The following TXK variants were observed in gnomAD, a reference collection of about 807,000 sequenced individuals.
TXK encodes tyrosine-protein kinase TXK.
In TXK, 60 loss-of-function variants were observed where a neutral mutation model predicts 81.0. That is an observed-to-expected ratio of 0.74 (90% CI 0.60 to 0.92). The LOEUF (loss-of-function observed/expected upper bound fraction) is 0.92, where lower values mean the gene tolerates loss of function less well. TXK is among the 40% of genes least tolerant of loss of function. The pLI is 0.00. For synonymous variants in TXK, 203 were observed against 210.7 expected (o/e 0.96, Z 0.32); for missense variants, 581 against 638.3 (o/e 0.91, Z 0.97).
intron 6 of TXK, among the ~76,000 whole-genome samples, chr4:48,098,748 G>A (rs1718077013): frequency 6.6e-6 from 1 of 152,200 alleles, no homozygotes; most frequent in African/African-American, 2.4e-5. Flanking sequence ...GATCACTTGA[G>A]GCCAGGAGTT....
intron 14 of TXK, 97 bp downstream of exon 14, chr4:48,071,420 C>G (rs1716848868): frequency 7.9e-7 from 1 of 1,262,000 alleles, no homozygotes; most frequent in East Asian, 2.4e-5. Context: ...ATGCCTTTTC[C>G]TGCCATGACA....
At chr4:48,114,655 A>G in intron 1 of TXK, 1 of 489,806 alleles carries the variant, frequency 2.0e-6, no homozygotes, top group Non-Finnish European at 3.7e-6. Flanking sequence ...TGTGAGTGAT[A>G]AATGACCAGT....
chr4:48,115,033 CTTTT>C (rs58957431), intron 1 of TXK, among the ~76,000 whole-genome samples: 3 of 148,446 alleles, frequency 2.0e-5, no homozygotes, highest in Admixed American at 1.3e-4. Context: ...TTCTTTCTTT[CTTTT>C]TTTTTTTAAT....
At position 48,112,504 on chromosome 4, in the gene TXK, C is replaced by T. The variant is rs202095994; in HGVS notation, c.183G>A (p.Thr61=). 16 of 1,609,296 alleles carry T rather than the reference C, an allele frequency of 9.9e-6. No individual in the cohort carries two copies. The South Asian group carries it at 1.3e-4, about 13-fold the overall frequency. The change falls in exon 4 of 15, where the codon ACG becomes ACA. Residue 61 remains threonine, a synonymous_variant. Coordinates refer to ENST00000264316, the MANE Select transcript of TXK (RefSeq NM_003328.3). ...SQLSNKKQSN[T]GRVQPSKRKP... is the part of the protein sequence containing the mutation. ...TTCGTTTTGACGGCTGCACACGGCC[C>T]GTGTTGGACTGTGAAAACCAATAAG...
Position 48,067,475 on chromosome 4 carries a change from T to C in TXK, c.*162A>G. The C allele has an allele frequency of 1.4e-6, 1 of 715,142 alleles. No homozygotes were observed. The highest frequency in any genetic ancestry group is 2.8e-5 in the Admixed American group (1 of 36,122). The allele number at this position is 715,142 out of a possible 1,614,324, so 44.3% of individuals were successfully genotyped here. On this transcript the variant is annotated 3_prime_UTR_variant, in exon 15 of 15. Transcript: ENST00000264316. ...TAGAAAAACGATTGTGTGAATATTC[T>C]TAAATTTTTAAAACTTTTAAAAACT...
intron 1 of TXK, among the ~76,000 whole-genome samples, chr4:48,130,126 C>T (rs1293493967): frequency 6.6e-6 from 1 of 152,228 alleles, no homozygotes; most frequent in African/African-American, 2.4e-5. Flanking sequence ...CCATTTTAAT[C>T]TTTCAGAAAG....
chr4:48,089,637 C>T, intron 9 of TXK, 113 bp downstream of exon 9: 1 of 809,276 alleles, frequency 1.2e-6, no homozygotes. Flanking sequence ...GGTGATCCAC[C>T]CACCTTTGCC....
intron 1 of TXK, among the ~76,000 whole-genome samples, chr4:48,132,286 T>C (rs1719265053): frequency 6.6e-6 from 1 of 152,174 alleles, no homozygotes; most frequent in South Asian, 2.1e-4. Context: ...TCCTTCCTTA[T>C]CTGCAAAATA....
At chr4:48,076,306 C>G (rs995632768) in intron 12 of TXK, 96 bp downstream of exon 12, 7 of 928,114 alleles carry the variant, frequency 7.5e-6, no homozygotes, top group South Asian at 1.9e-5. Context: ...AAAAACACAG[C>G]CTGCAGCATC....
chr4:48,115,820 A>ACTC (rs2109476565), intron 1 of TXK, among the ~76,000 whole-genome samples: 1 of 152,168 alleles, frequency 6.6e-6, no homozygotes, highest in South Asian at 2.1e-4. Context: ...GCACCACTGC[A>ACTC]CTCCAGCCCT....
intron 1 of TXK, among the ~76,000 whole-genome samples, chr4:48,129,941 G>A (rs1719204388): frequency 6.6e-6 from 1 of 152,214 alleles, no homozygotes; most frequent in Non-Finnish European, 1.5e-5. Context: ...GCTGGCACTG[G>A]GCCAGAAGCC....
At chr4:48,086,726 T>C (rs1273409773) in intron 9 of TXK, 89 bp from the exon 10 acceptor site, 6 of 1,239,826 alleles carry the variant, frequency 4.8e-6, no homozygotes, top group Non-Finnish European at 6.8e-6. Flanking sequence ...ATCTATTATT[T>C]GACAGAGAGG....
chr4:48,102,967 T>C (rs1481052745), intron 6 of TXK, among the ~76,000 whole-genome samples: 1 of 152,186 alleles, frequency 6.6e-6, no homozygotes, highest in East Asian at 1.9e-4. Flanking sequence ...AACATACCCT[T>C]CTACCGCGAT....
At chr4:48,097,790 C>A (rs1420747449) in intron 6 of TXK, among the ~76,000 whole-genome samples, 1 of 146,546 alleles carries the variant, frequency 6.8e-6, no homozygotes, top group African/African-American at 2.6e-5. Context: ...CGCTGTTGCC[C>A]GGGCTGGAGT....
At chr4:48,096,321 G>A (rs1343057518) in intron 6 of TXK, among the ~76,000 whole-genome samples, 1 of 152,144 alleles carries the variant, frequency 6.6e-6, no homozygotes, top group East Asian at 1.9e-4. Context: ...AATGTATTGT[G>A]TATATGTATA....
Position 48,134,227 on chromosome 4 carries a change from C to G in TXK, c.-57G>C. On this transcript the variant is annotated 5_prime_UTR_variant, in exon 1 of 15. Transcript: ENST00000264316. Reference sequence around the variant, plus strand: ...TCTTCAGTTCTTCTGCGGTGCTCTACTCACAAAAACACATCTTTCAACTGA... The same window carrying G: ...TCTTCAGTTCTTCTGCGGTGCTCTAGTCACAAAAACACATCTTTCAACTGA... 1 of 1,597,490 alleles carries G rather than the reference C, an allele frequency of 6.3e-7. No individual in the cohort carries two copies. Among genetic ancestry groups the G allele is most frequent in the Non-Finnish European group, 8.5e-7 (1 of 1,170,280 alleles).
At chr4:48,127,662 G>A (rs909658638) in intron 1 of TXK, among the ~76,000 whole-genome samples, 2 of 152,148 alleles carry the variant, frequency 1.3e-5, no homozygotes, top group South Asian at 2.1e-4. Context: ...TTACATCTGC[G>A]CTGTTCTTTT....
chr4:48,122,133 C>G (rs531680406), intron 1 of TXK, among the ~76,000 whole-genome samples: 1 of 152,244 alleles, frequency 6.6e-6, no homozygotes, highest in South Asian at 2.1e-4. Context: ...ATTAATTTGT[C>G]TTAAGTCTGA....
At chr4:48,129,664 C>G (rs1719190722) in intron 1 of TXK, among the ~76,000 whole-genome samples, 1 of 152,204 alleles carries the variant, frequency 6.6e-6, no homozygotes, top group Non-Finnish European at 1.5e-5. Context: ...GCCAGGGCAA[C>G]TCCCCAGACA....
Sources: allele counts gnomAD v4.1 joint callset (sites outside exome capture counted in the v4.1 genomes callset), GRCh38; gene constraint gnomAD v4.1.1; transcripts MANE v1.5; gene names NCBI Gene and HGNC (gene_info 2026-07-23, HGNC 2026-07-21).